Variants in ATXN8OS observed in about 807,000 individuals in gnomAD.
The protein encoded by ATXN8OS is ATXN8 opposite strand lncRNA, also known as ATXN8 opposite strand (non-protein coding).
chr13:70,151,556 G>A (rs1593773899), intron 4 of ATXN8OS, among the ~76,000 whole-genome samples: 1 of 152,066 alleles, frequency 6.6e-6, no homozygotes, highest in South Asian at 2.1e-4. Flanking sequence ...AAGGTTAGTT[G>A]CAAGTCAATA....
At chr13:70,152,790 GGTTT>G (rs1200124088) in intron 4 of ATXN8OS, among the ~76,000 whole-genome samples, 4 of 151,994 alleles carry the variant, frequency 2.6e-5, no homozygotes, top group Admixed American at 1.3e-4. Flanking sequence ...TTAAGAAGTT[GGTTT>G]ATTTATGTAT....
At chr13:70,108,515 C>T (rs1888134454) in intron 1 of ATXN8OS, 1 of 141,958 alleles carries the variant, frequency 7.0e-6, no homozygotes, top group Non-Finnish European at 1.5e-5. Context: ...GCACTGGGGC[C>T]TATACGGAGA....
chr13:70,121,374 A>G (rs1417118238), intron 2 of ATXN8OS, among the ~76,000 whole-genome samples: 1 of 152,120 alleles, frequency 6.6e-6, no homozygotes, highest in East Asian at 1.9e-4. Flanking sequence ...TTCATAGCAT[A>G]GAGTTTGATT....
chr13:70,121,376 A>T (rs1388169073), intron 2 of ATXN8OS, among the ~76,000 whole-genome samples: 1 of 152,126 alleles, frequency 6.6e-6, no homozygotes, highest in Non-Finnish European at 1.5e-5. Context: ...CATAGCATAG[A>T]GTTTGATTTT....
intron 3 of ATXN8OS, chr13:70,139,573 T>C (rs1888678052): frequency 4.0e-6 from 2 of 496,700 alleles, no homozygotes; most frequent in South Asian, 3.9e-5. Flanking sequence ...CCAAAAATTA[T>C]CTGATGTTGA....
chr13:70,131,580 T>C (rs1237593353), intron 3 of ATXN8OS: 2 of 397,902 alleles, frequency 5.0e-6, no homozygotes, highest in African/African-American at 4.1e-5. Flanking sequence ...CCACATTAAA[T>C]ACTTTTTACC....
At chr13:70,134,424 G>C (rs1021877343) in intron 3 of ATXN8OS, among the ~76,000 whole-genome samples, 1 of 152,194 alleles carries the variant, frequency 6.6e-6, no homozygotes, top group Non-Finnish European at 1.5e-5. Context: ...TGCACAGGCA[G>C]GTACAGAATT....
At chr13:70,138,563 ACT>A (rs909534884) in intron 3 of ATXN8OS, among the ~76,000 whole-genome samples, 3 of 152,066 alleles carry the variant, frequency 2.0e-5, no homozygotes, top group African/African-American at 7.2e-5. Context: ...TTATTAATAA[ACT>A]CAACAGACAC....
At chr13:70,135,015 T>C (rs1310255302) in intron 3 of ATXN8OS, among the ~76,000 whole-genome samples, 2 of 152,178 alleles carry the variant, frequency 1.3e-5, no homozygotes, top group African/African-American at 4.8e-5. Context: ...CCTATTCTTA[T>C]GTGGCTGAGC....
intron 1 of ATXN8OS, chr13:70,108,301 G>A (rs969541944): frequency 2.0e-5 from 7 of 349,852 alleles, no homozygotes; most frequent in Non-Finnish European, 3.1e-5. Flanking sequence ...ATAGCCTGCC[G>A]GGTGGCTCTG....
intron 3 of ATXN8OS, among the ~76,000 whole-genome samples, chr13:70,132,508 G>T (rs1381752063): frequency 6.6e-6 from 1 of 151,384 alleles, no homozygotes; most frequent in African/African-American, 2.4e-5. Flanking sequence ...CTAACTCTTG[G>T]GTACTACGCT....
chr13:70,146,784 G>C (rs1381461740), intron 3 of ATXN8OS, among the ~76,000 whole-genome samples: 1 of 151,504 alleles, frequency 6.6e-6, no homozygotes, highest in Non-Finnish European at 1.5e-5. Flanking sequence ...GGAGGGAAGA[G>C]GGATAGCATT....
chr13:70,163,972 A>G (rs1593778895), intron 4 of ATXN8OS, among the ~76,000 whole-genome samples: 1 of 150,656 alleles, frequency 6.6e-6, no homozygotes, highest in East Asian at 1.9e-4. Context: ...CGTCACTAAA[A>G]ATGTGCTCAA....
At chr13:70,124,090 T>C (rs180940186) in intron 2 of ATXN8OS, among the ~76,000 whole-genome samples, 2 of 152,178 alleles carry the variant, frequency 1.3e-5, no homozygotes, top group Admixed American at 6.6e-5. Context: ...TTCTTTATAT[T>C]ATTTCCTTAG....
chr13:70,152,670 T>C (rs764744656), intron 4 of ATXN8OS, among the ~76,000 whole-genome samples: 1 of 152,032 alleles, frequency 6.6e-6, no homozygotes, highest in Non-Finnish European at 1.5e-5. Context: ...ACAAGTGAGA[T>C]TAAGGAAGCC....
intron 4 of ATXN8OS, among the ~76,000 whole-genome samples, chr13:70,147,557 G>T (rs1021489311): frequency 2.0e-5 from 3 of 152,084 alleles, no homozygotes; most frequent in African/African-American, 7.2e-5. Context: ...GAGAAAAGAA[G>T]TATATATGGT....
chr13:70,157,694 T>C (rs547232167), intron 4 of ATXN8OS, among the ~76,000 whole-genome samples: 24 of 152,234 alleles, frequency 1.6e-4, no homozygotes, highest in African/African-American at 5.3e-4. Flanking sequence ...GAGAACCTTA[T>C]ATTGTGCTCA....
intron 3 of ATXN8OS, among the ~76,000 whole-genome samples, chr13:70,147,196 G>A (rs1008657859): frequency 9.9e-5 from 15 of 152,066 alleles, no homozygotes; most frequent in South Asian, 2.1e-4. Flanking sequence ...AGGGACTTGC[G>A]TTCTAGAAAA....
chr13:70,169,926 T>C (rs1039472248), exon 5 of ATXN8OS, among the ~76,000 whole-genome samples: 1 of 152,104 alleles, frequency 6.6e-6, no homozygotes, highest in Non-Finnish European at 1.5e-5. Flanking sequence ...GCAAATGCAT[T>C]GCGAGCCAGC....
Sources: gnomAD v4.1 joint callset for allele counts (sites outside exome capture counted in the v4.1 genomes callset) on GRCh38, gnomAD v4.1.1 for gene constraint, MANE v1.5 for transcripts, NCBI Gene and HGNC (gene_info 2026-07-23, HGNC 2026-07-21) for gene names.